GAS2: variants seen among roughly 807,000 people sequenced by gnomAD.
The protein encoded by GAS2 is growth arrest specific 2, also known as growth arrest-specific protein 2.
A neutral mutation model predicts 37.5 loss-of-function variants in GAS2; 20 were observed. The ratio of observed to expected loss-of-function variants is 0.53; its 90% CI spans 0.37 to 0.77. The LOEUF (loss-of-function observed/expected upper bound fraction) is 0.77, where lower values mean the gene tolerates loss of function less well. Among genes scored for constraint, GAS2 ranks in the 30% least tolerant of loss-of-function variants. The pLI is 0.00. For synonymous variants in GAS2, 144 were observed against 132.2 expected (o/e 1.09, Z -0.61); for missense variants, 336 against 373.4 (o/e 0.90, Z 0.82).
intron 1 of GAS2, among the ~76,000 whole-genome samples, chr11:22,643,479 A>G (rs1182030363): frequency 1.3e-5 from 2 of 150,640 alleles, no homozygotes; most frequent in Non-Finnish European, 3.0e-5. Flanking sequence ...AAAAAACGAT[A>G]TAGAAGGGAC....
intron 7 of GAS2, among the ~76,000 whole-genome samples, chr11:22,778,430 T>A (rs1855377097): frequency 6.6e-6 from 1 of 152,220 alleles, no homozygotes; most frequent in African/African-American, 2.4e-5. Context: ...TTCTAATAAA[T>A]GTTAGAAGGA....
intron 1 of GAS2, among the ~76,000 whole-genome samples, chr11:22,631,096 C>T (rs996442119): frequency 1.3e-5 from 2 of 152,058 alleles, no homozygotes; most frequent in Non-Finnish European, 2.9e-5. Flanking sequence ...ATTTATTTTT[C>T]TGCAGCTACT....
chr11:22,675,054 G>A (rs752320028), intron 2 of GAS2, 40 bp downstream of exon 2: 2 of 1,600,190 alleles, frequency 1.2e-6, no homozygotes, highest in South Asian at 2.3e-5. Flanking sequence ...AAAGACAACA[G>A]TTTTTGTTTT....
At chr11:22,690,271 T>C (rs1850176146) in intron 3 of GAS2, among the ~76,000 whole-genome samples, 1 of 152,232 alleles carries the variant, frequency 6.6e-6, no homozygotes, top group Non-Finnish European at 1.5e-5. Context: ...TATTTCTAAA[T>C]TTAATATTTA....
intron 7 of GAS2, among the ~76,000 whole-genome samples, chr11:22,798,432 C>G (rs1564893917): frequency 6.6e-6 from 1 of 151,952 alleles, no homozygotes; most frequent in Non-Finnish European, 1.5e-5. Flanking sequence ...TCTGGTCATA[C>G]AGCAAGTTGG....
At chr11:22,801,314 C>T (rs1325517587) in intron 7 of GAS2, among the ~76,000 whole-genome samples, 1 of 151,998 alleles carries the variant, frequency 6.6e-6, no homozygotes, top group Non-Finnish European at 1.5e-5. Context: ...CTGATCATTT[C>T]TACAACTTAC....
intron 3 of GAS2, among the ~76,000 whole-genome samples, chr11:22,711,247 C>G (rs779772688): frequency 5.9e-5 from 9 of 152,098 alleles, no homozygotes; most frequent in Non-Finnish European, 7.3e-5. Context: ...TTACTTAGAG[C>G]CAAAACAGAT....
intron 3 of GAS2, among the ~76,000 whole-genome samples, chr11:22,720,275 A>G (rs1482271731): frequency 6.6e-6 from 1 of 151,982 alleles, no homozygotes; most frequent in Non-Finnish European, 1.5e-5. Context: ...GAGAGGGAGA[A>G]AGCAGAAAGG....
rs898301478 is a variant in GAS2 at position 22,641,103 on chromosome 11, G to C, written c.-21+15290G>C. Among the ~76,000 whole-genome samples the C allele has an allele frequency of 4.0e-5, 6 of 150,816 alleles. No homozygotes were observed. In the East Asian group the frequency reaches 7.8e-4, roughly 20 times the overall value. ...TGGCTTTTTTTTGAATTGACCAAGG[G>C]GAGGCATTAGCAAGCAGTCGGAAGG... On this transcript the variant is annotated intron_variant, in intron 1 of 5. Transcript: ENST00000528582.
chr11:22,729,050 T>C (rs1044147469), intron 4 of GAS2, among the ~76,000 whole-genome samples: 2 of 151,198 alleles, frequency 1.3e-5, no homozygotes, highest in African/African-American at 4.9e-5. Flanking sequence ...TTTTTTAACC[T>C]CAAGATTTCA....
At chr11:22,794,274 A>G (rs1296336558) in intron 7 of GAS2, among the ~76,000 whole-genome samples, 3 of 152,052 alleles carry the variant, frequency 2.0e-5, no homozygotes, top group Admixed American at 6.6e-5. Context: ...TGTAAGACTT[A>G]TGCCCTCAAA....
At chr11:22,691,520 T>C (rs1040294950) in intron 3 of GAS2, among the ~76,000 whole-genome samples, 1 of 152,112 alleles carries the variant, frequency 6.6e-6, no homozygotes, top group African/African-American at 2.4e-5. Context: ...AAAAAGAAAA[T>C]AAAATCTCAG....
At chr11:22,733,637 A>G (rs1035171764) in intron 4 of GAS2, among the ~76,000 whole-genome samples, 10 of 151,732 alleles carry the variant, frequency 6.6e-5, no homozygotes, top group African/African-American at 2.4e-4. Context: ...AGCTAACAGC[A>G]TTCCATTTGA....
chr11:22,674,992 C>T lies in GAS2; in HGVS notation c.123C>T (p.Ala41=). The T allele has an allele frequency of 6.2e-7, 1 of 1,613,794 alleles. No homozygotes were observed. Among genetic ancestry groups the T allele is most frequent in the Non-Finnish European group, 8.5e-7 (1 of 1,179,826 alleles). ...TGCTACCAATGAAAGAAGATCTGGC[C>T]TTGTGGTTAACCAATCTATTAGGTA... ...ANLLPMKEDL[A]LWLTNLLGKE... Residue 41 remains alanine (A), a synonymous_variant, in exon 2 of 8, where the codon GCC becomes GCT. Coordinates refer to ENST00000454584, the MANE Select transcript of GAS2 (RefSeq NM_001143830.3).
chr11:22,693,236 T>C (rs1397101268), intron 3 of GAS2, among the ~76,000 whole-genome samples: 12 of 152,206 alleles, frequency 7.9e-5, no homozygotes, highest in Non-Finnish European at 1.0e-4. Context: ...GTCAAACATA[T>C]GCAAACTGAT....
chr11:22,717,628 G>A (rs1434227995), intron 3 of GAS2, among the ~76,000 whole-genome samples: 1 of 151,724 alleles, frequency 6.6e-6, no homozygotes, highest in East Asian at 1.9e-4. Context: ...TAAATAGATG[G>A]GACTTAACTA....
At chr11:22,789,457 CTTTTTTTTT>C (rs71037529) in intron 7 of GAS2, among the ~76,000 whole-genome samples, 4 of 31,414 alleles carry the variant, frequency 1.3e-4, no homozygotes, top group African/African-American at 5.1e-4. Flanking sequence ...TATATATATT[CTTTTTTTTT>C]TTTTTTTTTT....
chr11:22,662,406 T>C (rs557813624), upstream of GAS2, among the ~76,000 whole-genome samples: 14 of 152,384 alleles, frequency 9.2e-5, no homozygotes, highest in South Asian at 2.9e-3. Context: ...CAATTAGTTG[T>C]ATATTTTCTA....
chr11:22,799,846 G>A (rs1856582690), intron 7 of GAS2, among the ~76,000 whole-genome samples: 1 of 152,146 alleles, frequency 6.6e-6, no homozygotes, highest in South Asian at 2.1e-4. Flanking sequence ...TGTGTGCCCG[G>A]CACTGTGCTA....
Sources: gnomAD v4.1 joint callset for allele counts (sites outside exome capture counted in the v4.1 genomes callset) on GRCh38, gnomAD v4.1.1 for gene constraint, MANE v1.5 for transcripts, NCBI Gene and HGNC (gene_info 2026-07-23, HGNC 2026-07-21) for gene names.